KCNK12: variants seen among roughly 807,000 people sequenced by gnomAD.
KCNK12 encodes potassium channel subfamily K member 12.
A neutral mutation model predicts 25.3 loss-of-function variants in KCNK12; 6 were observed. The ratio of observed to expected loss-of-function variants is 0.24; its 90% CI spans 0.13 to 0.47. KCNK12 has a LOEUF of 0.47. KCNK12 is among the 20% of genes least tolerant of loss of function. The pLI is 0.99. For synonymous variants in KCNK12, 331 were observed against 311.1 expected, an observed-to-expected ratio of 1.06 and a Z score of -0.67; for missense variants, 444 against 661.7, an observed-to-expected ratio of 0.67 and a Z score of 3.61.
chr2:47,521,153 A>C lies in KCNK12; in HGVS notation c.1047T>G (p.Gly349=), dbSNP rs2278139. The stretch of plus-strand genomic sequence containing the variant: ...CGCTGTCGCGGGCCGCGGGGTCGGC[A>C]CCGAGCGCGGCCAGGCGGCGGCGCA... The part of the protein sequence containing the change: ...SRLRRRLAAL[G]ADPAARDSDA... The change falls in exon 2 of 2, where the codon GGT becomes GGG. Residue 349 remains glycine (G), a synonymous_variant. Coordinates refer to ENST00000327876, the MANE Select transcript of KCNK12 (RefSeq NM_022055.2). The C allele has an allele frequency of 7.8e-7, 1 of 1,289,180 alleles. No individual in the cohort carries two copies. The highest frequency in any genetic ancestry group is 2.2e-4 in the Middle Eastern group (1 of 4,510). 79.9% of individuals were successfully genotyped at this position (1,289,180 alleles called of 1,614,324 possible). A position where few individuals can be genotyped will look rare whatever the true frequency, so the allele number is the denominator to read the frequency against.
Position 47,514,214 on chromosome 2 carries a change from G to A in KCNK12, c.*6693C>T, listed in dbSNP as rs138908175. ...GCTTGCTGCTCTCAGGCTCAGCATG[G>A]ACAGCTGCTTCTGAGAGCCTTCTCT... is the stretch of plus-strand genomic sequence containing the variant. On this transcript the variant is annotated 3_prime_UTR_variant, in exon 2 of 2. Coordinates refer to ENST00000327876, the MANE Select transcript of KCNK12 (RefSeq NM_022055.2). The surrounding 1 kb of genome is among the most constrained non-coding windows in gnomAD (Gnocchi z 5.0). 1.5e-3 allele frequency among the ~76,000 whole-genome samples: 231 copies of A among 152,320 alleles called. No homozygotes were observed. Among genetic ancestry groups the A allele is most frequent in the East Asian group, 7.9e-3 (41 of 5,182 alleles).
chr2:47,555,404 C>A lies in KCNK12; in HGVS notation c.391+14537G>T, dbSNP rs973029783. Among the ~76,000 whole-genome samples, 1 of 152,214 alleles carries A rather than the reference C, an allele frequency of 6.6e-6. No individual in the cohort carries two copies. Among genetic ancestry groups the A allele is most frequent in the African/African-American group, 2.4e-5 (1 of 41,470 alleles). On this transcript the variant is annotated intron_variant, in intron 1 of 1. Transcript: ENST00000327876. The surrounding 1 kb of genome is among the most constrained non-coding windows in gnomAD (Gnocchi z 4.5). ...CTTACCCTCTCTGTACTCTTAATCACTGGGGACCCCACTGTCACTCTAGAG... is the reference window on the plus strand; with the variant it reads ...CTTACCCTCTCTGTACTCTTAATCAATGGGGACCCCACTGTCACTCTAGAG...
rs995111921 is a variant in KCNK12, at chr2:47,529,640, C to A, written c.392-7832G>T. On this transcript the variant is annotated intron_variant, in intron 1 of 1. Coordinates refer to ENST00000327876, the MANE Select transcript of KCNK12 (RefSeq NM_022055.2). This position sits in a 1 kb window ranked among gnomAD's most constrained non-coding sequence, Gnocchi z 4.3. ...CTAGGCCAATCAGGATAATCCAGTTCCTTACCATGACTGGCTCAAGAATGG... is the reference window on the plus strand; with the variant it reads ...CTAGGCCAATCAGGATAATCCAGTTACTTACCATGACTGGCTCAAGAATGG... Among the ~76,000 whole-genome samples the A allele has an allele frequency of 6.6e-6, 1 of 152,202 alleles. No individual in the cohort carries two copies. The highest frequency in any genetic ancestry group is 6.5e-5 in the Admixed American group (1 of 15,286).
intron 1 of KCNK12, chr2:47,567,155 T>A (rs1417341193): frequency 6.6e-6 from 1 of 152,266 alleles, no homozygotes; most frequent in East Asian, 1.9e-4. Context: ...ACGTATGTCC[T>A]TTTGATTAGG....
intron 1 of KCNK12, among the ~76,000 whole-genome samples, chr2:47,546,521 G>A (rs1157056478): frequency 3.9e-5 from 6 of 152,182 alleles, no homozygotes; most frequent in Non-Finnish European, 7.3e-5. Flanking sequence ...GACAGGTGTG[G>A]TAGCGAGCAC....
At chr2:47,549,768 T>C (rs1254766065) in intron 1 of KCNK12, among the ~76,000 whole-genome samples, 2 of 152,090 alleles carry the variant, frequency 1.3e-5, no homozygotes, top group Non-Finnish European at 2.9e-5. Context: ...ACCCCGTCTC[T>C]ACTAAAAATA....
In KCNK12 at chr2:47,548,863, G is replaced by A. The variant is rs1264683881; in HGVS notation, c.391+21078C>T. On this transcript the variant is annotated intron_variant, in intron 1 of 1. Transcript: ENST00000327876. The surrounding 1 kb of genome is among the most constrained non-coding windows in gnomAD (Gnocchi z 4.4). ...CAGAGCCCAGAACTCTTGCTGAATT[G>A]AGGGGAGAGAAATTCAGGTTCAGGG... 2.0e-5 allele frequency among the ~76,000 whole-genome samples: 3 copies of A among 152,174 alleles called. No individual in the cohort carries two copies. Among genetic ancestry groups the A allele is most frequent in the Admixed American group, 2.0e-4 (3 of 15,276 alleles).
Position 47,562,101 on chromosome 2 carries a change from C to T in KCNK12, c.391+7840G>A, listed in dbSNP as rs1558565991. ...CTCTCTACCCTAGCGACTCCAAGTGCATCAGCATAGGCATTGCCAGGAGCT... is the reference window on the plus strand; with the variant it reads ...CTCTCTACCCTAGCGACTCCAAGTGTATCAGCATAGGCATTGCCAGGAGCT... On this transcript the variant is annotated intron_variant, in intron 1 of 1. Transcript: ENST00000327876. The surrounding 1 kb of genome is among the most constrained non-coding windows in gnomAD (Gnocchi z 4.8). The T allele has an allele frequency of 4.0e-5, 16 of 398,620 alleles. No homozygotes were observed. In the East Asian group the frequency reaches 5.7e-4, roughly 14 times the overall value. The allele number at this position is 398,620 out of a possible 1,614,324, so 24.7% of individuals were successfully genotyped here.
Position 47,525,170 on chromosome 2 carries a change from G to T in KCNK12, c.392-3362C>A, listed in dbSNP as rs2104741106. ...TGGACTTAATAAAACAGCAAAACAG[G>T]TCTGGGGCTAGCAACCCCCCACACC... On this transcript the variant is annotated intron_variant, in intron 1 of 1. Coordinates refer to ENST00000327876, the MANE Select transcript of KCNK12 (RefSeq NM_022055.2). This position sits in a 1 kb window ranked among gnomAD's most constrained non-coding sequence, Gnocchi z 4.1. 6.6e-6 allele frequency among the ~76,000 whole-genome samples: 1 copy of T among 152,284 alleles called. No homozygotes were observed. The highest frequency in any genetic ancestry group is 2.1e-4 in the South Asian group (1 of 4,826).
chr2:47,570,755 C>A lies in KCNK12; in HGVS notation c.-424G>T, dbSNP rs1397862731. 6.6e-6 allele frequency: 1 copy of A among 152,510 alleles called. No individual in the cohort carries two copies. The highest frequency in any genetic ancestry group is 1.5e-5 in the Non-Finnish European group (1 of 68,398). The allele number at this position is 152,510 out of a possible 1,614,324, so 9.4% of individuals were successfully genotyped here. Reference sequence around the variant, plus strand: ...CGGGGTGGGCCGTGGATCCCGGGCGCCTAGGACCGGGACGCGGCAGCAAGG... The same window carrying A: ...CGGGGTGGGCCGTGGATCCCGGGCGACTAGGACCGGGACGCGGCAGCAAGG... On this transcript the variant is annotated 5_prime_UTR_variant, in exon 1 of 2. Transcript: ENST00000327876.
In KCNK12 at chr2:47,513,671, T is replaced by G. The variant is rs997164560; in HGVS notation, c.*7236A>C. 6.6e-6 allele frequency among the ~76,000 whole-genome samples: 1 copy of G among 152,086 alleles called. No homozygotes were observed. Among genetic ancestry groups the G allele is most frequent in the Non-Finnish European group, 1.5e-5 (1 of 68,010 alleles). The stretch of plus-strand genomic sequence containing the variant: ...ATCTCATGGGTCCCTGAAGTCCAAC[T>G]TCTCCTTCATTGAACTCATCACCTC... On this transcript the variant is annotated 3_prime_UTR_variant, in exon 2 of 2. Transcript: ENST00000327876.
At chr2:47,563,556 A>G (rs759522434) in intron 1 of KCNK12, 16 of 232,870 alleles carry the variant, frequency 6.9e-5, no homozygotes, top group Non-Finnish European at 7.6e-5. Flanking sequence ...AAAATGAGGA[A>G]CAAGGGTAAA....
Position 47,520,247 on chromosome 2 carries a change from C to CT in KCNK12, c.*659dup, listed in dbSNP as rs1466284827. 3.3e-5 allele frequency: 5 copies of CT among 152,258 alleles called. No individual in the cohort carries two copies. 9.4% of individuals were successfully genotyped at this position (152,258 alleles called of 1,614,324 possible). On this transcript the variant is annotated 3_prime_UTR_variant, in exon 2 of 2. Coordinates refer to ENST00000327876, the MANE Select transcript of KCNK12 (RefSeq NM_022055.2). This position sits in a 1 kb window ranked among gnomAD's most constrained non-coding sequence, Gnocchi z 5.0. ...TGCCCTGTGCTCTGTGCTAAATGGACTAACTCTGAGCTGAGAAAGGCCAGC... is the reference window on the plus strand; with the variant it reads ...TGCCCTGTGCTCTGTGCTAAATGGACTTAACTCTGAGCTGAGAAAGGCCAGC...
intron 1 of KCNK12, chr2:47,563,446 G>A: frequency 4.3e-6 from 1 of 233,300 alleles, no homozygotes; most frequent in Non-Finnish European, 8.5e-6. Context: ...CAATATTGAT[G>A]TAACTCTTCT....
rs553078464 is a variant in KCNK12, at chr2:47,529,104, C to T, written c.392-7296G>A. 2.6e-5 allele frequency: 4 copies of T among 152,400 alleles called. No homozygotes were observed. Among genetic ancestry groups the T allele is most frequent in the African/African-American group, 9.6e-5 (4 of 41,570 alleles). The allele number at this position is 152,400 out of a possible 1,614,324, so 9.4% of individuals were successfully genotyped here. A position where few individuals can be genotyped will look rare whatever the true frequency, so the allele number is the denominator to read the frequency against. On this transcript the variant is annotated intron_variant, in intron 1 of 1. Coordinates refer to ENST00000327876, the MANE Select transcript of KCNK12 (RefSeq NM_022055.2). This position sits in a 1 kb window ranked among gnomAD's most constrained non-coding sequence, Gnocchi z 4.3. Reference sequence around the variant, plus strand: ...GACTCATTACCCGCTGGAGACTTTTCCTGCTGGGCTCTGCACTGTCAACTG... The same window carrying T: ...GACTCATTACCCGCTGGAGACTTTTTCTGCTGGGCTCTGCACTGTCAACTG...
At chr2:47,543,554 G>A (rs10191800) in intron 1 of KCNK12, 4,613 of 152,374 alleles carry the variant, frequency 0.03, 95 homozygotes, top group Middle Eastern at 0.058. Context: ...GTAGAAACCC[G>A]TGGGAAGCTC....
intron 1 of KCNK12, among the ~76,000 whole-genome samples, chr2:47,550,813 C>T (rs183405416): frequency 1.2e-4 from 18 of 152,242 alleles, no homozygotes; most frequent in Admixed American, 3.9e-4. Flanking sequence ...AAGATATAAT[C>T]ACTTCTCACT....
At chr2:47,546,211 C>A (rs1669311667) in intron 1 of KCNK12, among the ~76,000 whole-genome samples, 1 of 152,186 alleles carries the variant, frequency 6.6e-6, no homozygotes, top group Admixed American at 6.5e-5. Flanking sequence ...TACTTGGTCA[C>A]CAATTGTTGT....
At chr2:47,522,244 T>C (rs1668675428) in intron 1 of KCNK12, among the ~76,000 whole-genome samples, 1 of 152,212 alleles carries the variant, frequency 6.6e-6, no homozygotes. Context: ...TACATTAATA[T>C]ACTAGTCTAG....
Sources: allele counts gnomAD v4.1 joint callset (sites outside exome capture counted in the v4.1 genomes callset), GRCh38; gene constraint gnomAD v4.1.1; non-coding constraint Gnocchi (gnomAD v3.1); transcripts MANE v1.5; gene names NCBI Gene and HGNC (gene_info 2026-07-23, HGNC 2026-07-21).